Variants in TENM2 observed in about 807,000 individuals in gnomAD.
TENM2 encodes teneurin transmembrane protein 2.
TENM2 carries 52 observed loss-of-function variants against 245.2 expected under a neutral mutation model. The ratio of observed to expected loss-of-function variants is 0.21; its 90% CI spans 0.17 to 0.27. The LOEUF (loss-of-function observed/expected upper bound fraction) is 0.27, where lower values mean the gene tolerates loss of function less well. Ranked by LOEUF, TENM2 falls within the 10% of genes least tolerant of loss-of-function variation. TENM2 has a pLI of 1.00. For missense variants in TENM2, 3,046 were observed against 3,666.8 expected (o/e 0.83, Z 4.37); for synonymous variants, 1,363 against 1,438.9 (o/e 0.95, Z 1.19).
At chr5:167,152,515 A>T in the TENM2 span, among the ~76,000 whole-genome samples, 1 of 152,208 alleles carries the variant, frequency 6.6e-6, no homozygotes, top group Non-Finnish European at 1.5e-5. Context: ...TAGCTGTTAT[A>T]TAGTGTTAAA....
At chr5:167,711,632 A>G (rs1390092703) in intron 2 of TENM2, among the ~76,000 whole-genome samples, 1 of 152,130 alleles carries the variant, frequency 6.6e-6, no homozygotes, top group East Asian at 1.9e-4. Flanking sequence ...CCATTCAGTG[A>G]TATCTGTAAA....
At chr5:167,268,975 T>A in the TENM2 span, among the ~76,000 whole-genome samples, 1 of 152,106 alleles carries the variant, frequency 6.6e-6, no homozygotes, top group Non-Finnish European at 1.5e-5. Context: ...GATTTCACAT[T>A]GTTTCAGGAG....
At chr5:167,154,009 G>C in the TENM2 span, among the ~76,000 whole-genome samples, 2 of 152,136 alleles carry the variant, frequency 1.3e-5, no homozygotes, top group Non-Finnish European at 2.9e-5. Flanking sequence ...GCTGCTTTCA[G>C]TTTGGTGAAA....
At chr5:168,245,140 C>G (rs1766436922) in intron 26 of TENM2, among the ~76,000 whole-genome samples, 1 of 149,348 alleles carries the variant, frequency 6.7e-6, no homozygotes, top group African/African-American at 2.5e-5. Flanking sequence ...TTCGACTCTA[C>G]AAGGACTTCC....
At chr5:167,550,151 A>T (rs1457925198) in intron 2 of TENM2, among the ~76,000 whole-genome samples, 2 of 152,096 alleles carry the variant, frequency 1.3e-5, no homozygotes, top group Non-Finnish European at 2.9e-5. Flanking sequence ...TTTTTTTTCC[A>T]CTGTCAAAAC....
chr5:167,060,151 T>C, the TENM2 span, among the ~76,000 whole-genome samples: 9 of 152,312 alleles, frequency 5.9e-5, no homozygotes, highest in African/African-American at 2.2e-4. Flanking sequence ...ATTGTAGAAA[T>C]ATTGAAATAC....
chr5:167,191,571 GA>G, the TENM2 span, among the ~76,000 whole-genome samples: 1 of 151,984 alleles, frequency 6.6e-6, no homozygotes, highest in Non-Finnish European at 1.5e-5. Context: ...TTCCTTAGAT[GA>G]AAGGCATGCA....
chr5:167,687,383 T>G (rs1757142997), intron 2 of TENM2, among the ~76,000 whole-genome samples: 1 of 152,124 alleles, frequency 6.6e-6, no homozygotes, highest in South Asian at 2.1e-4. Context: ...AGGAAAAAAA[T>G]AGCTGGCTGA....
At chr5:168,004,949 C>G (rs1784708847) in intron 5 of TENM2, among the ~76,000 whole-genome samples, 1 of 152,126 alleles carries the variant, frequency 6.6e-6, no homozygotes, top group South Asian at 2.1e-4. Context: ...GTCCCCATCC[C>G]CTCATCCCCA....
chr5:167,682,054 CTTCCTTCCTTCCTTCT>C (rs1756747058), intron 2 of TENM2, among the ~76,000 whole-genome samples: 1 of 140,772 alleles, frequency 7.1e-6, no homozygotes, highest in Admixed American at 7.2e-5. Context: ...CCTTCCCTTT[CTTCCTTCCTTCCTTCT>C]TTCCTTCCTT....
chr5:166,988,222 A>G, the TENM2 span, among the ~76,000 whole-genome samples: 4 of 152,298 alleles, frequency 2.6e-5, no homozygotes, highest in South Asian at 2.1e-4. Flanking sequence ...ACATATCTCA[A>G]TTCCAGTAAA....
chr5:167,798,286 A>C (rs1301567724), intron 2 of TENM2, among the ~76,000 whole-genome samples: 1 of 152,290 alleles, frequency 6.6e-6, no homozygotes, highest in Non-Finnish European at 1.5e-5. Context: ...TCAGCTTTCT[A>C]TAATTTAAAG....
chr5:167,293,836 C>A (rs1028865565), intron 1 of TENM2, among the ~76,000 whole-genome samples: 1 of 152,010 alleles, frequency 6.6e-6, no homozygotes, highest in Non-Finnish European at 1.5e-5. Flanking sequence ...AGCTACAGAG[C>A]ACTTCATACG....
At chr5:167,115,755 A>G in the TENM2 span, among the ~76,000 whole-genome samples, 3 of 152,226 alleles carry the variant, frequency 2.0e-5, no homozygotes, top group Non-Finnish European at 4.4e-5. Flanking sequence ...TGGGAAAAAA[A>G]GAATTTTAAT....
intron 2 of TENM2, among the ~76,000 whole-genome samples, chr5:167,423,866 G>C (rs773306186): frequency 2.6e-5 from 4 of 152,154 alleles, no homozygotes; most frequent in Non-Finnish European, 4.4e-5. Context: ...ATCCATTTTT[G>C]CCTTTCTTCC....
chr5:167,844,627 T>C (rs563182905), intron 2 of TENM2, among the ~76,000 whole-genome samples: 95 of 152,340 alleles, frequency 6.2e-4, no homozygotes, highest in African/African-American at 2.1e-3. Flanking sequence ...GTGCACCTGC[T>C]ATAAGATGGC....
intron 15 of TENM2, among the ~76,000 whole-genome samples, chr5:168,197,699 CA>C (rs71593165): frequency 0.16 from 13,027 of 83,572 alleles, 453 homozygotes; most frequent in East Asian, 0.29. Context: ...GACTCCATCC[CA>C]AAAAAAAAAA....
intron 2 of TENM2, among the ~76,000 whole-genome samples, chr5:167,503,671 A>G (rs963678570): frequency 1.3e-5 from 2 of 152,200 alleles, no homozygotes; most frequent in African/African-American, 4.8e-5. Context: ...AGGCAGGTGG[A>G]TTGCTTGAGC....
the TENM2 span, among the ~76,000 whole-genome samples, chr5:167,196,009 G>T: frequency 6.6e-6 from 1 of 152,020 alleles, no homozygotes; most frequent in Non-Finnish European, 1.5e-5. Context: ...TAATACTGGG[G>T]ATACATTCTG....
Sources: allele counts gnomAD v4.1 joint callset (sites outside exome capture counted in the v4.1 genomes callset), GRCh38; gene constraint gnomAD v4.1.1; transcripts MANE v1.5; gene names NCBI Gene and HGNC (gene_info 2026-07-23, HGNC 2026-07-21).